Variants in RIMS2 observed in about 807,000 individuals in gnomAD.
RIMS2 encodes the protein regulating synaptic membrane exocytosis protein 2.
In RIMS2, 59 loss-of-function variants were observed where a neutral mutation model predicts 174.4. The ratio of observed to expected loss-of-function variants is 0.34; its 90% CI spans 0.27 to 0.42. The LOEUF is 0.42. RIMS2 is among the 10% of genes least tolerant of loss of function. RIMS2 has a pLI of 1.00. For missense variants in RIMS2, 1,620 were observed against 1,666.3 expected, an observed-to-expected ratio of 0.97 and a Z score of 0.48; for synonymous variants, 606 against 572.5, an observed-to-expected ratio of 1.06 and a Z score of -0.84.
rs1598705108 is a variant in RIMS2 at position 104,095,055 on chromosome 8, C to A, written c.3334+80440C>A. Among the ~76,000 whole-genome samples the A allele has an allele frequency of 2.0e-5, 3 of 151,966 alleles. No individual in the cohort carries two copies. The East Asian group carries it at 5.8e-4, about 29-fold the overall frequency. ...TTTATCTGTAAGGTCTAATAAAGATCATTGAAAAGAGAAACTTGAAAATTC... is the reference window on the plus strand; with the variant it reads ...TTTATCTGTAAGGTCTAATAAAGATAATTGAAAAGAGAAACTTGAAAATTC... On this transcript the variant is annotated intron_variant, in intron 19 of 23. Coordinates refer to ENST00000504942, the Ensembl canonical transcript of RIMS2.
At chr8:103,946,935 T>A (rs2083943945) in intron 14 of RIMS2, among the ~76,000 whole-genome samples, 1 of 152,206 alleles carries the variant, frequency 6.6e-6, no homozygotes, top group South Asian at 2.1e-4. Flanking sequence ...AATTAAAAAT[T>A]ATATTCATGG....
chr8:103,865,038 A>G (rs1411871264), intron 3 of RIMS2, among the ~76,000 whole-genome samples: 1 of 152,028 alleles, frequency 6.6e-6, no homozygotes. Flanking sequence ...TTCCCAAACT[A>G]TTTCCCTTCA....
chr8:104,173,729 C>T (rs549470429), intron 19 of RIMS2, among the ~76,000 whole-genome samples: 4 of 142,196 alleles, frequency 2.8e-5, no homozygotes, highest in Non-Finnish European at 4.5e-5. Context: ...CCCGGGTTCA[C>T]GCCATTCTCC....
intron 19 of RIMS2, among the ~76,000 whole-genome samples, chr8:104,220,038 T>A (rs930206672): frequency 6.6e-5 from 10 of 152,056 alleles, no homozygotes; most frequent in South Asian, 2.1e-4. Context: ...AACATAAAAA[T>A]TTTTTTTAAA....
At chr8:103,671,749 T>C (rs2096746712) in intron 1 of RIMS2, among the ~76,000 whole-genome samples, 1 of 152,206 alleles carries the variant, frequency 6.6e-6, no homozygotes, top group African/African-American at 2.4e-5. Context: ...ACATAATAAC[T>C]ATAGTTATGA....
chr8:104,066,273 T>A (rs1329089484), intron 19 of RIMS2, among the ~76,000 whole-genome samples: 1 of 152,174 alleles, frequency 6.6e-6, no homozygotes, highest in Admixed American at 6.5e-5. Context: ...TACCTAGTAA[T>A]CAGAAAGAAT....
At chr8:103,980,694 A>G (rs894020805) in intron 16 of RIMS2, among the ~76,000 whole-genome samples, 7 of 152,246 alleles carry the variant, frequency 4.6e-5, no homozygotes, top group African/African-American at 9.6e-5. Context: ...AGGGGAGCCT[A>G]TTGCCCTGAA....
chr8:103,842,150 A>G (rs16870769), intron 3 of RIMS2, among the ~76,000 whole-genome samples: 23,896 of 152,068 alleles, frequency 0.16, 1,985 homozygotes, highest in Middle Eastern at 0.24. Flanking sequence ...CATAAAATCT[A>G]GCACATAGAG....
intron 1 of RIMS2, among the ~76,000 whole-genome samples, chr8:103,576,271 G>A (rs1458219570): frequency 2.0e-5 from 3 of 152,180 alleles, no homozygotes; most frequent in African/African-American, 7.2e-5. Context: ...CAAAACGGTG[G>A]CAGCAACATG....
exon 4 of RIMS2, chr8:103,885,683 G>T: frequency 1.2e-6 from 2 of 1,613,084 alleles, no homozygotes; most frequent in Non-Finnish European, 1.7e-6. Context: ...AGTGTCCCGA[G>T]CACGGCATGA....
At chr8:103,649,648 C>CTT (rs71575979) in intron 1 of RIMS2, among the ~76,000 whole-genome samples, 16,021 of 143,306 alleles carry the variant, frequency 0.11, 1,093 homozygotes, top group Non-Finnish European at 0.16. Flanking sequence ...CCTTTTCATT[C>CTT]TTTTTTTTTT....
At position 103,666,697 on chromosome 8, in the gene RIMS2, G is replaced by A. The variant is rs371169835; in HGVS notation, c.177-30389G>A. Among the ~76,000 whole-genome samples the A allele has an allele frequency of 2.6e-5, 4 of 152,230 alleles. No individual in the cohort carries two copies. The South Asian group carries it at 8.3e-4, about 32-fold the overall frequency. ...AGCATGAGTGACTCCATCTTGATTT[G>A]ATCTGGTCTGGTCTGTTAAGGCCTA... On this transcript the variant is annotated intron_variant, in intron 1 of 23. Transcript: ENST00000504942.
chr8:103,695,931 T>G (rs1000351715), intron 1 of RIMS2, among the ~76,000 whole-genome samples: 2 of 152,114 alleles, frequency 1.3e-5, no homozygotes, highest in Admixed American at 6.6e-5. Context: ...TAGGGGCATG[T>G]GTTTATATTT....
intron 2 of RIMS2, among the ~76,000 whole-genome samples, chr8:103,736,023 A>T (rs555306038): frequency 1.3e-5 from 2 of 152,308 alleles, no homozygotes; most frequent in South Asian, 2.1e-4. Flanking sequence ...TAAATTACAC[A>T]ATGTCAGTTT....
chr8:103,518,851 G>A (rs112261705), intron 1 of RIMS2, among the ~76,000 whole-genome samples: 137 of 152,200 alleles, frequency 9.0e-4, no homozygotes, highest in African/African-American at 3.2e-3. Context: ...GTACTGCCTT[G>A]TATCCTGAGA....
chr8:103,912,388 T>G (rs1442291628), intron 6 of RIMS2, among the ~76,000 whole-genome samples: 1 of 152,148 alleles, frequency 6.6e-6, no homozygotes, highest in Non-Finnish European at 1.5e-5. Flanking sequence ...TATATATAAA[T>G]TTGGAAGACA....
At chr8:103,948,627 C>T (rs1246208443) in intron 14 of RIMS2, among the ~76,000 whole-genome samples, 1 of 152,014 alleles carries the variant, frequency 6.6e-6, no homozygotes, top group Non-Finnish European at 1.5e-5. Context: ...ATAGAAGTGA[C>T]AAATCTATTG....
intron 19 of RIMS2, among the ~76,000 whole-genome samples, chr8:104,089,564 ATTTCTCATT>A (rs1566300604): frequency 1.3e-5 from 2 of 151,808 alleles, no homozygotes; most frequent in Non-Finnish European, 2.9e-5. Flanking sequence ...CACTGTCCAG[ATTTCTCATT>A]TTTAAAAGCA....
intron 1 of RIMS2, among the ~76,000 whole-genome samples, chr8:103,557,628 G>A (rs754122093): frequency 1.1e-4 from 17 of 152,114 alleles, no homozygotes; most frequent in Non-Finnish European, 2.2e-4. Context: ...CTACCATACA[G>A]GAGTTTACAT....
Sources: gnomAD v4.1 joint callset for allele counts (sites outside exome capture counted in the v4.1 genomes callset) on GRCh38, gnomAD v4.1.1 for gene constraint, MANE v1.5 for transcripts, NCBI Gene and HGNC (gene_info 2026-07-23, HGNC 2026-07-21) for gene names.